The following ROBO2 variants were observed in gnomAD, a reference collection of about 807,000 sequenced individuals.
ROBO2 encodes roundabout guidance receptor 2.
A neutral mutation model predicts 160.8 loss-of-function variants in ROBO2; 53 were observed. The observed-to-expected ratio is 0.33, with a 90% CI of 0.26 to 0.41. ROBO2 has a LOEUF of 0.41. ROBO2 is among the 10% of genes least tolerant of loss of function. The pLI, the probability that ROBO2 is intolerant of heterozygous loss-of-function variation, is 1.00. For synonymous variants in ROBO2, 664 were observed against 611.7 expected, an observed-to-expected ratio of 1.09 and a Z score of -1.26; for missense variants, 1,577 against 1,722.4, an observed-to-expected ratio of 0.92 and a Z score of 1.49.
intron 4 of ROBO2, among the ~76,000 whole-genome samples, chr3:77,490,887 A>G (rs776325042): frequency 6.6e-6 from 1 of 152,208 alleles, no homozygotes; most frequent in Non-Finnish European, 1.5e-5. Flanking sequence ...AAGCTGAAAT[A>G]ATTTCTTACA....
chr3:76,738,033 CTG>C (rs996487453), intron 2 of ROBO2, among the ~76,000 whole-genome samples: 3 of 151,960 alleles, frequency 2.0e-5, no homozygotes, highest in Non-Finnish European at 4.4e-5. Flanking sequence ...ACCTGGGAGA[CTG>C]TGGTGGGAGG....
chr3:76,648,361 A>T (rs1006106806), intron 2 of ROBO2, among the ~76,000 whole-genome samples: 7 of 152,182 alleles, frequency 4.6e-5, no homozygotes, highest in African/African-American at 1.7e-4. Context: ...AATACTTAAA[A>T]GTAAATGACA....
At chr3:76,555,395 A>AGCC (rs2083682493) in intron 2 of ROBO2, among the ~76,000 whole-genome samples, 1 of 77,158 alleles carries the variant, frequency 1.3e-5, no homozygotes, top group Non-Finnish European at 3.6e-5. Flanking sequence ...AAGAAGAAGA[A>AGCC]GAAGAAGAAG....
chr3:76,458,796 A>G (rs2077923043), intron 2 of ROBO2, among the ~76,000 whole-genome samples: 2 of 152,060 alleles, frequency 1.3e-5, no homozygotes, highest in Non-Finnish European at 2.9e-5. Context: ...AAAAGCGGAA[A>G]CCCCTAGTAG....
At chr3:76,356,299 T>A (rs572691809) in intron 2 of ROBO2, among the ~76,000 whole-genome samples, 10 of 151,192 alleles carry the variant, frequency 6.6e-5, no homozygotes, top group African/African-American at 2.2e-4. Flanking sequence ...ATGGAATCAA[T>A]AGAATAAAAT....
chr3:76,062,130 C>A (rs953102116), intron 2 of ROBO2, among the ~76,000 whole-genome samples: 7 of 152,108 alleles, frequency 4.6e-5, no homozygotes, highest in Non-Finnish European at 7.3e-5. Flanking sequence ...CACAGGTTTA[C>A]AGAGATTAGA....
At chr3:76,838,778 T>G (rs1559582812) in intron 2 of ROBO2, among the ~76,000 whole-genome samples, 1 of 148,600 alleles carries the variant, frequency 6.7e-6, no homozygotes, top group African/African-American at 2.5e-5. Context: ...TACTCTACCC[T>G]TGGTGAATAC....
chr3:76,622,215 GAAGGAAGGAAGGAAGGAAGGAAGA>G (rs2089160931), intron 2 of ROBO2, among the ~76,000 whole-genome samples: 1 of 23,210 alleles, frequency 4.3e-5, no homozygotes, highest in African/African-American at 1.5e-4. Context: ...AGGAAGGAAG[GAAGGAAGGAAGGAAGGAAGGAAGA>G]AAGAAAGAAA....
chr3:77,208,013 A>C (rs2083641682), intron 2 of ROBO2, among the ~76,000 whole-genome samples: 1 of 152,208 alleles, frequency 6.6e-6, no homozygotes, highest in Non-Finnish European at 1.5e-5. Context: ...GAATTGGCTC[A>C]GATAAAGGAT....
intron 2 of ROBO2, among the ~76,000 whole-genome samples, chr3:77,205,319 C>T (rs1237936117): frequency 1.3e-5 from 2 of 151,978 alleles, no homozygotes; most frequent in Non-Finnish European, 2.9e-5. Context: ...TGATCCTCCC[C>T]TAAAGTTTGG....
At chr3:76,948,285 T>C (rs192570488) in intron 2 of ROBO2, among the ~76,000 whole-genome samples, 1 of 152,296 alleles carries the variant, frequency 6.6e-6, no homozygotes, top group East Asian at 1.9e-4. Context: ...TTTTTAGTTT[T>C]CTTATTTGAG....
chr3:77,444,112 A>G (rs2080230627), intron 2 of ROBO2, among the ~76,000 whole-genome samples: 1 of 152,064 alleles, frequency 6.6e-6, no homozygotes, highest in African/African-American at 2.4e-5. Flanking sequence ...TTTATTCAAC[A>G]TTTCCCTCTA....
intron 2 of ROBO2, among the ~76,000 whole-genome samples, chr3:76,900,071 C>A (rs2075107631): frequency 6.6e-6 from 1 of 152,068 alleles, no homozygotes; most frequent in African/African-American, 2.4e-5. Flanking sequence ...CAAGAAGGAG[C>A]AAGTCACAGC....
intron 2 of ROBO2, among the ~76,000 whole-genome samples, chr3:76,444,824 G>T (rs530019297): frequency 6.6e-6 from 1 of 151,898 alleles, no homozygotes; most frequent in Non-Finnish European, 1.5e-5. Flanking sequence ...TGTTTTTACC[G>T]CTTTTTTACT....
chr3:77,224,768 G>A (rs2086274335), intron 2 of ROBO2, among the ~76,000 whole-genome samples: 1 of 151,770 alleles, frequency 6.6e-6, no homozygotes, highest in Non-Finnish European at 1.5e-5. Flanking sequence ...GAAGGGCTGG[G>A]CAGAAGAATC....
At chr3:77,496,261 A>C (rs1157780267) in intron 5 of ROBO2, among the ~76,000 whole-genome samples, 1 of 152,216 alleles carries the variant, frequency 6.6e-6, no homozygotes, top group Non-Finnish European at 1.5e-5. Flanking sequence ...TTTGTTAGAA[A>C]GGCTTAAAGC....
intron 2 of ROBO2, among the ~76,000 whole-genome samples, chr3:77,243,420 A>G (rs1270601369): frequency 6.6e-6 from 1 of 152,182 alleles, no homozygotes; most frequent in Non-Finnish European, 1.5e-5. Flanking sequence ...AACTGTTTGA[A>G]CACCCTGATC....
intron 2 of ROBO2, among the ~76,000 whole-genome samples, chr3:76,804,445 C>T (rs1426943174): frequency 1.3e-5 from 2 of 152,078 alleles, no homozygotes; most frequent in African/African-American, 2.4e-5. Context: ...AACTGAGAAA[C>T]GATGTCATAA....
At chr3:77,149,820 T>C (rs1163438966) in intron 2 of ROBO2, among the ~76,000 whole-genome samples, 1 of 151,868 alleles carries the variant, frequency 6.6e-6, no homozygotes, top group African/African-American at 2.4e-5. Context: ...GCTTTTGTGA[T>C]TCCATTGTCC....
Sources: gnomAD v4.1 joint callset for allele counts (sites outside exome capture counted in the v4.1 genomes callset) on GRCh38, gnomAD v4.1.1 for gene constraint, MANE v1.5 for transcripts, NCBI Gene and HGNC (gene_info 2026-07-23, HGNC 2026-07-21) for gene names.